The following SGCZ variants were observed in gnomAD, a reference collection of about 807,000 sequenced individuals.
SGCZ encodes zeta-sarcoglycan.
A neutral mutation model predicts 41.3 loss-of-function variants in SGCZ; 40 were observed. The observed-to-expected ratio is 0.97, with a 90% CI of 0.75 to 1.26. The LOEUF is 1.26. SGCZ is among the 50% of genes most tolerant of loss of function. SGCZ has a pLI of 0.00. For synonymous variants in SGCZ, 206 were observed against 137.5 expected (o/e 1.50, Z -3.49); for missense variants, 552 against 369.8 (o/e 1.49, Z -4.04).
Position 15,154,941 on chromosome 8 carries a change from T to G in SGCZ, c.39+82644A>C, listed in dbSNP as rs148020432. ...AGGGTAAAATTAATTAACAACAATA[T>G]ATTGTATAATTTCAAATAGTGAGAA... On this transcript the variant is annotated intron_variant, in intron 1 of 7. Transcript: ENST00000382080. Among the ~76,000 whole-genome samples, 1,189 of 152,204 alleles carry G rather than the reference T, an allele frequency of 7.8e-3. 17 individuals are homozygous for G. The highest frequency in any genetic ancestry group is 0.028 in the African/African-American group (1,148 of 41,520).
chr8:14,763,946 C>T (rs140394098), intron 1 of SGCZ, among the ~76,000 whole-genome samples: 351 of 152,256 alleles, frequency 2.3e-3, no homozygotes, highest in Non-Finnish European at 2.5e-3. Flanking sequence ...ATTTGACTTG[C>T]GGTAATCAAG....
intron 1 of SGCZ, among the ~76,000 whole-genome samples, chr8:14,745,207 C>CTA (rs1554491929): frequency 6.2e-4 from 94 of 150,922 alleles, no homozygotes; most frequent in Non-Finnish European, 1.2e-3. Context: ...TTTAACACTA[C>CTA]TGTGTGTGTG....
chr8:14,446,268 T>C (rs11774440), intron 2 of SGCZ, among the ~76,000 whole-genome samples: 19,738 of 152,224 alleles, frequency 0.13, 1,291 homozygotes, highest in African/African-American at 0.15. Context: ...ACTCTAACAC[T>C]GGTTTTACCT....
At chr8:14,896,546 G>T (rs56275907) in intron 1 of SGCZ, among the ~76,000 whole-genome samples, 2 of 151,850 alleles carry the variant, frequency 1.3e-5, no homozygotes, top group African/African-American at 2.4e-5. Context: ...GCATGATCTC[G>T]GCTCACTGCA....
intron 1 of SGCZ, among the ~76,000 whole-genome samples, chr8:14,598,479 A>C (rs528581137): frequency 7.1e-4 from 106 of 150,208 alleles, no homozygotes; most frequent in African/African-American, 2.3e-3. Context: ...GGGTTTTATC[A>C]TCTCTCTCTC....
intron 1 of SGCZ, among the ~76,000 whole-genome samples, chr8:14,777,424 G>C (rs568245441): frequency 6.6e-6 from 1 of 152,008 alleles, no homozygotes; most frequent in Non-Finnish European, 1.5e-5. Context: ...AATGATTAAC[G>C]CAAACGAACA....
chr8:14,198,060 G>C (rs1393484564), intron 4 of SGCZ, among the ~76,000 whole-genome samples: 1 of 152,126 alleles, frequency 6.6e-6, no homozygotes, highest in Non-Finnish European at 1.5e-5. Context: ...ATACATTATA[G>C]CAGTCCTCAC....
intron 1 of SGCZ, among the ~76,000 whole-genome samples, chr8:15,171,787 G>A (rs13249659): frequency 0.72 from 109,489 of 152,068 alleles, 40,453 homozygotes; most frequent in East Asian, 0.79. Flanking sequence ...AGTACATCTC[G>A]GTCTCACCTG....
intron 1 of SGCZ, among the ~76,000 whole-genome samples, chr8:14,853,879 A>T (rs967593371): frequency 1.3e-5 from 2 of 151,898 alleles, no homozygotes; most frequent in Non-Finnish European, 2.9e-5. Context: ...ACATGACTAC[A>T]GCTTATCCTA....
intron 1 of SGCZ, among the ~76,000 whole-genome samples, chr8:15,077,626 A>G (rs1186701417): frequency 6.6e-6 from 1 of 152,162 alleles, no homozygotes; most frequent in African/African-American, 2.4e-5. Context: ...AATAGCCCCA[A>G]ATTTCATTTT....
chr8:14,152,627 A>G (rs1435138499), intron 5 of SGCZ, among the ~76,000 whole-genome samples: 1 of 152,236 alleles, frequency 6.6e-6, no homozygotes, highest in Non-Finnish European at 1.5e-5. Context: ...AAAAAAGTTT[A>G]TAAAACAAAA....
chr8:14,869,818 T>C (rs1804079273), intron 1 of SGCZ, among the ~76,000 whole-genome samples: 1 of 152,178 alleles, frequency 6.6e-6, no homozygotes, highest in African/African-American at 2.4e-5. Context: ...AGCTAAATCA[T>C]GAGTGAACTC....
intron 1 of SGCZ, among the ~76,000 whole-genome samples, chr8:15,075,111 A>G (rs1805483387): frequency 6.6e-6 from 1 of 150,752 alleles, no homozygotes; most frequent in South Asian, 2.1e-4. Flanking sequence ...TAAATTTCAC[A>G]GTAGCTTATG....
intron 1 of SGCZ, among the ~76,000 whole-genome samples, chr8:14,621,907 T>C (rs562102884): frequency 2.0e-5 from 3 of 152,180 alleles, no homozygotes; most frequent in African/African-American, 4.8e-5. Context: ...CTTATATCTA[T>C]AGAATAAGTA....
intron 4 of SGCZ, among the ~76,000 whole-genome samples, chr8:14,214,363 G>A (rs955180334): frequency 9.2e-5 from 14 of 151,900 alleles, no homozygotes; most frequent in African/African-American, 3.1e-4. Flanking sequence ...ATCTTCCATG[G>A]GATACCGGAA....
chr8:14,466,373 A>C (rs929352732), intron 2 of SGCZ, among the ~76,000 whole-genome samples: 8 of 151,992 alleles, frequency 5.3e-5, no homozygotes, highest in African/African-American at 1.9e-4. Flanking sequence ...GTGAAGAGTC[A>C]CTTGTCTTTT....
In SGCZ at chr8:14,284,458, T is replaced by G. The variant is rs553780196; in HGVS notation, c.336+39645A>C. On this transcript the variant is annotated intron_variant, in intron 3 of 7. Coordinates refer to ENST00000382080, the MANE Select transcript of SGCZ (RefSeq NM_139167.4). ...GGTTTACTAATCTATATTTGGTGGA[T>G]GTGCACATATATCTAGTTTATCTTT... Among the ~76,000 whole-genome samples the G allele has an allele frequency of 4.6e-5, 7 of 152,362 alleles. No homozygotes were observed. The South Asian group carries it at 1.5e-3, about 32-fold the overall frequency.
In SGCZ at chr8:14,360,581, C is replaced by G. The variant is rs527272696; in HGVS notation, c.235-36377G>C. Among the ~76,000 whole-genome samples the G allele has an allele frequency of 7.2e-5, 11 of 152,208 alleles. No individual in the cohort carries two copies. The South Asian group carries it at 1.7e-3, about 23-fold the overall frequency. ...CTTCAGGTGATCTGCCTGCCTCGGCCTCCAAAAGTGCTGGGATTACAGGTG... is the reference window on the plus strand; with the variant it reads ...CTTCAGGTGATCTGCCTGCCTCGGCGTCCAAAAGTGCTGGGATTACAGGTG... On this transcript the variant is annotated intron_variant, in intron 2 of 7. Transcript: ENST00000382080.
intron 1 of SGCZ, among the ~76,000 whole-genome samples, chr8:14,632,057 G>T (rs1290065823): frequency 6.6e-6 from 1 of 151,814 alleles, no homozygotes; most frequent in Admixed American, 6.6e-5. Flanking sequence ...TTGTTCTGTT[G>T]CAGGTTGAAA....
Sources: gnomAD v4.1 joint callset for allele counts (sites outside exome capture counted in the v4.1 genomes callset) on GRCh38, gnomAD v4.1.1 for gene constraint, MANE v1.5 for transcripts, NCBI Gene and HGNC (gene_info 2026-07-23, HGNC 2026-07-21) for gene names.